Variants in DENND2B observed in about 807,000 individuals in gnomAD.
DENND2B encodes DENN domain containing 2B.
Under a neutral mutation model 116.0 loss-of-function variants are expected in DENND2B, and 32 were observed. The observed-to-expected ratio is 0.28, with a 90% CI of 0.21 to 0.37. The LOEUF is 0.37. Among genes scored for constraint, DENND2B ranks in the 10% least tolerant of loss-of-function variants. The pLI, the probability that DENND2B is intolerant of heterozygous loss-of-function variation, is 1.00. For missense variants in DENND2B, 1,276 were observed against 1,477.7 expected, an observed-to-expected ratio of 0.86 and a Z score of 2.24; for synonymous variants, 588 against 583.9, an observed-to-expected ratio of 1.01 and a Z score of -0.10.
chr11:8,872,503 G>GA (rs1277384593), upstream of DENND2B, among the ~76,000 whole-genome samples: 1 of 131,250 alleles, frequency 7.6e-6, no homozygotes, highest in Non-Finnish European at 1.7e-5. Flanking sequence ...AAAAAAAAAA[G>GA]AAAAAAAAAG....
intron 1 of DENND2B, among the ~76,000 whole-genome samples, chr11:8,892,356 C>G (rs1301548800): frequency 1.3e-5 from 2 of 152,094 alleles, no homozygotes; most frequent in Non-Finnish European, 2.9e-5. Context: ...CAAGAGCAAA[C>G]ACATTCAAAA....
At chr11:8,894,841 C>A (rs1234002035) in intron 1 of DENND2B, among the ~76,000 whole-genome samples, 1 of 152,120 alleles carries the variant, frequency 6.6e-6, no homozygotes, top group Non-Finnish European at 1.5e-5. Flanking sequence ...GAGAGTGTGG[C>A]AATTCCTCAA....
intron 1 of DENND2B, chr11:8,910,732 GT>G (rs2064311408): frequency 6.5e-6 from 1 of 153,694 alleles, no homozygotes; most frequent in African/African-American, 2.5e-5. Context: ...GTGTGTGTGT[GT>G]GTGTCTACAC....
intron 4 of DENND2B, among the ~76,000 whole-genome samples, chr11:8,723,852 G>A (rs918187179): frequency 9.2e-5 from 14 of 152,188 alleles, no homozygotes; most frequent in Admixed American, 7.9e-4. Context: ...AGTTTTGCAT[G>A]GCTACATACT....
chr11:8,715,442 C>G (rs1373796315), intron 6 of DENND2B, 161 bp downstream of exon 6: 1 of 651,188 alleles, frequency 1.5e-6, no homozygotes, highest in South Asian at 1.9e-5. Flanking sequence ...GGGAATTAAT[C>G]AGATGAAAAA....
intron 3 of DENND2B, among the ~76,000 whole-genome samples, chr11:8,847,408 C>T (rs544589578): frequency 5.6e-4 from 85 of 152,236 alleles, no homozygotes; most frequent in Middle Eastern, 3.4e-3. Flanking sequence ...CCTTTTATAA[C>T]GAACATAAAG....
intron 11 of DENND2B, chr11:8,708,156 T>C (rs1592483913): frequency 1.5e-6 from 2 of 1,318,334 alleles, no homozygotes; most frequent in Non-Finnish European, 1.9e-6. Flanking sequence ...GCAAAGCAGT[T>C]TGGCAGAGGC....
chr11:8,863,346 T>TCCCAGGTTCACACCATTCTTCTGC (rs543669262), intron 2 of DENND2B, among the ~76,000 whole-genome samples: 1 of 81,270 alleles, frequency 1.2e-5, no homozygotes, highest in African/African-American at 4.5e-5. Flanking sequence ...AAGCTCCACC[T>TCCCAGGTTCACACCATTCTTCTGC]CTCAGCCTCC....
chr11:8,866,425 T>C (rs1478332271), intron 2 of DENND2B, among the ~76,000 whole-genome samples: 1 of 152,160 alleles, frequency 6.6e-6, no homozygotes, highest in Admixed American at 6.5e-5. Flanking sequence ...ATTGCCAAAG[T>C]CTCTTCTTGA....
chr11:8,868,914 G>C (rs1379936001), intron 2 of DENND2B, among the ~76,000 whole-genome samples: 1 of 152,112 alleles, frequency 6.6e-6, no homozygotes, highest in East Asian at 1.9e-4. Context: ...GCGGCCCATG[G>C]GCCGCCCAGG....
At chr11:8,853,317 C>G (rs1052173805) in intron 3 of DENND2B, among the ~76,000 whole-genome samples, 1 of 152,104 alleles carries the variant, frequency 6.6e-6, no homozygotes. Flanking sequence ...GAGCTGAGAT[C>G]GCACCATTGC....
upstream of DENND2B, among the ~76,000 whole-genome samples, chr11:8,874,256 A>G (rs1045570325): frequency 1.3e-5 from 2 of 152,240 alleles, no homozygotes; most frequent in Non-Finnish European, 2.9e-5. Context: ...GCAGAGAAGT[A>G]CAATATGCCC....
intron 4 of DENND2B, chr11:8,719,100 G>A (rs192268744): frequency 8.9e-5 from 88 of 985,450 alleles, no homozygotes; most frequent in Admixed American, 4.9e-4. Flanking sequence ...TGTGCCTTAC[G>A]CCCCAGAGGA....
At chr11:8,874,206 T>C (rs2063820238), upstream of DENND2B, among the ~76,000 whole-genome samples, 1 of 152,204 alleles carries the variant, frequency 6.6e-6, no homozygotes, top group South Asian at 2.1e-4. Flanking sequence ...CTAATGAAAG[T>C]TTCCTAATCT....
At chr11:8,830,817 T>G (rs1362096408) in intron 4 of DENND2B, 1 of 152,226 alleles carries the variant, frequency 6.6e-6, no homozygotes, top group South Asian at 2.1e-4. Context: ...CAGCTCTATT[T>G]AGCTCCATTC....
intron 1 of DENND2B, among the ~76,000 whole-genome samples, chr11:8,891,319 G>C (rs968132173): frequency 3.9e-5 from 6 of 152,220 alleles, no homozygotes; most frequent in Admixed American, 2.0e-4. Flanking sequence ...ATGCTACGAG[G>C]AAACTGCATC....
chr11:8,710,771 ACAC>A, intron 11 of DENND2B, 71 bp downstream of exon 11: 3 of 1,294,756 alleles, frequency 2.3e-6, no homozygotes, highest in South Asian at 1.2e-5. Flanking sequence ...ACACACACAC[ACAC>A]ACACACACAC....
chr11:8,778,560 G>A (rs1032720040), intron 1 of DENND2B, among the ~76,000 whole-genome samples: 2 of 152,206 alleles, frequency 1.3e-5, no homozygotes, highest in African/African-American at 4.8e-5. Flanking sequence ...AGGCAAGTCT[G>A]CCAATTGGCT....
chr11:8,831,849 T>C (rs1230707896), intron 4 of DENND2B: 1 of 152,186 alleles, frequency 6.6e-6, no homozygotes, highest in African/African-American at 2.4e-5. Flanking sequence ...CTGATGATGC[T>C]GGGTGCACTC....
Sources: gnomAD v4.1 joint callset for allele counts (sites outside exome capture counted in the v4.1 genomes callset) on GRCh38, gnomAD v4.1.1 for gene constraint, MANE v1.5 for transcripts, NCBI Gene and HGNC (gene_info 2026-07-23, HGNC 2026-07-21) for gene names.